The following LDB2 variants were observed in gnomAD, a reference collection of about 807,000 sequenced individuals.
LDB2 encodes LIM domain-binding protein 2.
In LDB2, 12 loss-of-function variants were observed where a neutral mutation model predicts 44.3. That is an observed-to-expected ratio of 0.27 (90% CI 0.17 to 0.44). The LOEUF (loss-of-function observed/expected upper bound fraction) is 0.44. Among genes scored for constraint, LDB2 ranks in the 20% least tolerant of loss-of-function variants. The pLI is 1.00. For synonymous variants in LDB2, 164 were observed against 174.8 expected, an observed-to-expected ratio of 0.94 and a Z score of 0.49; for missense variants, 344 against 473.5, an observed-to-expected ratio of 0.73 and a Z score of 2.54.
At chr4:16,573,257 G>A (rs1747222723) in intron 5 of LDB2, among the ~76,000 whole-genome samples, 1 of 152,124 alleles carries the variant, frequency 6.6e-6, no homozygotes, top group South Asian at 2.1e-4. Context: ...TATTCTGGTG[G>A]GTCCTTGGGG....
chr4:16,771,501 G>A (rs1044823906), intron 1 of LDB2, among the ~76,000 whole-genome samples: 8 of 152,102 alleles, frequency 5.3e-5, no homozygotes, highest in Non-Finnish European at 1.2e-4. Context: ...CTTAACCAAA[G>A]AGGCATCTCA....
At chr4:16,630,486 C>A (rs1731619144) in intron 2 of LDB2, among the ~76,000 whole-genome samples, 2 of 152,064 alleles carry the variant, frequency 1.3e-5, no homozygotes, top group East Asian at 1.9e-4. Flanking sequence ...CAAAACATGC[C>A]AAATTGTAAA....
chr4:16,738,482 A>T (rs1762338820), intron 2 of LDB2, among the ~76,000 whole-genome samples: 1 of 152,250 alleles, frequency 6.6e-6, no homozygotes, highest in Non-Finnish European at 1.5e-5. Context: ...TAGCCTTCAC[A>T]TGAGGCCAAC....
At chr4:16,615,975 T>C (rs1282101358) in intron 2 of LDB2, among the ~76,000 whole-genome samples, 1 of 152,158 alleles carries the variant, frequency 6.6e-6, no homozygotes, top group Non-Finnish European at 1.5e-5. Flanking sequence ...AAATGGGAAT[T>C]AGAACAGAAG....
chr4:16,588,168 T>C (rs1717682891), intron 4 of LDB2, among the ~76,000 whole-genome samples: 1 of 152,174 alleles, frequency 6.6e-6, no homozygotes, highest in East Asian at 1.9e-4. Context: ...TAATTTGTGC[T>C]CAATAAATTT....
At chr4:16,853,770 T>C (rs1343381623) in intron 1 of LDB2, among the ~76,000 whole-genome samples, 1 of 152,118 alleles carries the variant, frequency 6.6e-6, no homozygotes, top group Non-Finnish European at 1.5e-5. Context: ...GTGGTACATA[T>C]ATGCAATGGA....
intron 2 of LDB2, among the ~76,000 whole-genome samples, chr4:16,605,103 CATT>C (rs1444689974): frequency 6.6e-6 from 1 of 152,062 alleles, no homozygotes; most frequent in Non-Finnish European, 1.5e-5. Flanking sequence ...TTTAAAAAAT[CATT>C]AAAAAGGAAC....
rs1401534381 is a variant in LDB2 at position 16,505,810 on chromosome 4, T to G, written c.891+2725A>C. 9 of 1,510,940 alleles carry G rather than the reference T, an allele frequency of 6.0e-6. No individual in the cohort carries two copies. The African/African-American group carries it at 1.2e-4, about 21-fold the overall frequency. The allele number at this position is 1,510,940 out of a possible 1,614,324, so 93.6% of individuals were successfully genotyped here. On this transcript the variant is annotated intron_variant, in intron 7 of 7. Coordinates refer to ENST00000304523, the MANE Select transcript of LDB2 (RefSeq NM_001290.5). ...CAGCTCTCACCCATTTCACATCTTCTCACTAATCCCCCGTGCAAAGACCAC... is the reference window on the plus strand; with the variant it reads ...CAGCTCTCACCCATTTCACATCTTCGCACTAATCCCCCGTGCAAAGACCAC...
At chr4:16,845,403 T>G (rs1017277404) in intron 1 of LDB2, among the ~76,000 whole-genome samples, 2 of 152,200 alleles carry the variant, frequency 1.3e-5, no homozygotes, top group African/African-American at 2.4e-5. Context: ...AGTAACAGCT[T>G]TTTCTATCAA....
chr4:16,891,758 G>A (rs1723477984), intron 1 of LDB2, among the ~76,000 whole-genome samples: 1 of 152,168 alleles, frequency 6.6e-6, no homozygotes. Context: ...GCAGAATCAA[G>A]TTAGTGAATG....
intron 2 of LDB2, among the ~76,000 whole-genome samples, chr4:16,717,171 T>TAAA (rs1757228922): frequency 8.4e-6 from 1 of 119,596 alleles, no homozygotes; most frequent in African/African-American, 2.8e-5. Context: ...ATAATAATAA[T>TAAA]AATAATAATA....
At chr4:16,872,086 ATATC>A (rs1006379037) in intron 1 of LDB2, among the ~76,000 whole-genome samples, 5 of 152,060 alleles carry the variant, frequency 3.3e-5, no homozygotes, top group African/African-American at 9.7e-5. Flanking sequence ...TGTAAACTAT[ATATC>A]TTTCTATTAG....
At chr4:16,840,618 C>T (rs146361337) in intron 1 of LDB2, among the ~76,000 whole-genome samples, 23 of 152,256 alleles carry the variant, frequency 1.5e-4, no homozygotes, top group Non-Finnish European at 3.4e-4. Flanking sequence ...ACTCTAAGGT[C>T]CAATAGACTT....
At chr4:16,722,364 G>A (rs1315703526) in intron 2 of LDB2, among the ~76,000 whole-genome samples, 2 of 152,096 alleles carry the variant, frequency 1.3e-5, no homozygotes, top group Non-Finnish European at 2.9e-5. Context: ...TTAACCACCT[G>A]CTACACTGCC....
At chr4:16,706,311 C>A (rs1276046798) in intron 2 of LDB2, among the ~76,000 whole-genome samples, 2 of 152,076 alleles carry the variant, frequency 1.3e-5, no homozygotes, top group African/African-American at 4.8e-5. Context: ...GTGGAGCCCC[C>A]ACGAATAAGA....
At chr4:16,885,246 G>A (rs986788775) in intron 1 of LDB2, among the ~76,000 whole-genome samples, 2 of 151,372 alleles carry the variant, frequency 1.3e-5, no homozygotes, top group African/African-American at 4.9e-5. Context: ...TAAGGTGTGA[G>A]AAATTCGAGT....
intron 1 of LDB2, among the ~76,000 whole-genome samples, chr4:16,845,241 T>G (rs1786734228): frequency 6.6e-6 from 1 of 152,146 alleles, no homozygotes; most frequent in South Asian, 2.1e-4. Flanking sequence ...GCTCCCAAAT[T>G]TATACATTAA....
At chr4:16,650,565 C>G (rs954008884) in intron 2 of LDB2, among the ~76,000 whole-genome samples, 9 of 152,198 alleles carry the variant, frequency 5.9e-5, no homozygotes, top group Non-Finnish European at 1.0e-4. Flanking sequence ...CAACTGTGTT[C>G]TGGAACTCTA....
At chr4:16,799,484 A>C (rs1214955528) in intron 1 of LDB2, among the ~76,000 whole-genome samples, 1 of 152,250 alleles carries the variant, frequency 6.6e-6, no homozygotes, top group Non-Finnish European at 1.5e-5. Context: ...AACATTGAAT[A>C]GGAAGAAGGA....
Sources: allele counts gnomAD v4.1 joint callset (sites outside exome capture counted in the v4.1 genomes callset), GRCh38; gene constraint gnomAD v4.1.1; transcripts MANE v1.5; gene names NCBI Gene and HGNC (gene_info 2026-07-23, HGNC 2026-07-21).